Variants in ZNF394 observed in about 807,000 individuals in gnomAD.
ZNF394 encodes zinc finger protein 394.
Under a neutral mutation model 21.8 loss-of-function variants are expected in ZNF394, and 19 were observed. That is an observed-to-expected ratio of 0.87 (90% CI 0.61 to 1.28). ZNF394 has a LOEUF of 1.28. Ranked by LOEUF, ZNF394 falls within the 50% of genes most tolerant of loss-of-function variation. The pLI, the probability that ZNF394 is intolerant of heterozygous loss-of-function variation, is 0.00. For missense variants in ZNF394, 683 were observed against 708.6 expected, an observed-to-expected ratio of 0.96 and a Z score of 0.41; for synonymous variants, 294 against 273.3, an observed-to-expected ratio of 1.08 and a Z score of -0.75.
At chr7:99,487,853 A>G (rs867853466) in intron 1 of ZNF394, among the ~76,000 whole-genome samples, 51 of 152,054 alleles carry the variant, frequency 3.4e-4, no homozygotes, top group Non-Finnish European at 5.6e-4. Context: ...TGGGCGGATC[A>G]CGAGGTCAGG....
downstream of ZNF394, among the ~76,000 whole-genome samples, chr7:99,490,973 CG>C (rs1800149973): frequency 6.6e-6 from 1 of 152,058 alleles, no homozygotes; most frequent in African/African-American, 2.4e-5. Context: ...AGACTAGACC[CG>C]GGGCTCTGCC....
At chr7:99,490,514 C>G (rs190008403), downstream of ZNF394, among the ~76,000 whole-genome samples, 628 of 151,904 alleles carry the variant, frequency 4.1e-3, 5 homozygotes, top group African/African-American at 0.015. Flanking sequence ...GCCTGTAGTC[C>G]CAGCTGCTTG....
chr7:99,487,568 G>C, intron 1 of ZNF394: 2 of 1,486,768 alleles, frequency 1.3e-6, no homozygotes, highest in Non-Finnish European at 1.8e-6. Context: ...TTGTTTCCAT[G>C]AAAAGCAATA....
At chr7:99,489,022 C>T (rs544204878), downstream of ZNF394, among the ~76,000 whole-genome samples, 5 of 151,476 alleles carry the variant, frequency 3.3e-5, no homozygotes, top group Admixed American at 2.0e-4. Context: ...CAGTGGCTCA[C>T]GCCTGTAATC....
At chr7:99,495,029 CTATT>C (rs1414342794) in intron 2 of ZNF394, among the ~76,000 whole-genome samples, 7 of 151,758 alleles carry the variant, frequency 4.6e-5, no homozygotes, top group Admixed American at 2.0e-4. Context: ...TACTCTGTTG[CTATT>C]TATTTATTTT....
downstream of ZNF394, among the ~76,000 whole-genome samples, chr7:99,492,389 C>T (rs906233652): frequency 3.3e-5 from 5 of 151,902 alleles, no homozygotes; most frequent in African/African-American, 1.2e-4. Context: ...TGTGTAATCC[C>T]AGCACTTTGG....
chr7:99,488,057 G>T (rs1204309857), intron 1 of ZNF394, among the ~76,000 whole-genome samples: 1 of 136,324 alleles, frequency 7.3e-6, no homozygotes, highest in African/African-American at 3.0e-5. Flanking sequence ...GGGCGACAGA[G>T]CGAGACTCCG....
downstream of ZNF394, among the ~76,000 whole-genome samples, chr7:99,490,122 C>G (rs1278546105): frequency 6.6e-6 from 1 of 151,074 alleles, no homozygotes; most frequent in Non-Finnish European, 1.5e-5. Flanking sequence ...TGAGACCAGC[C>G]TGGCCAACAT....
At position 99,499,997 on chromosome 7, in the gene ZNF394, G is replaced by A. The variant is rs755608809; in HGVS notation, c.97C>T (p.Arg33Cys). 1.2e-6 allele frequency: 2 copies of A among 1,611,624 alleles called. No individual in the cohort carries two copies. The highest frequency in any genetic ancestry group is 2.2e-5 in the East Asian group (1 of 44,882). Residue 33 changes from arginine to cysteine, a missense_variant, in exon 1 of 3, where the codon CGC (arginine) becomes TGC (cysteine). Physicochemically the swap from Arg to Cys is radical, Grantham distance 180. Coordinates refer to ENST00000337673, the MANE Select transcript of ZNF394 (RefSeq NM_032164.4). ...ARSKDAAPSQ[R>C]DGLLPVKVEE... The stretch of plus-strand genomic sequence containing the variant: ...ACTTTCACGGGCAAAAGTCCGTCGC[G>A]TTGGGACGGCGCCGCGTCCTTGGAC...
At chr7:99,488,693 G>A (rs911916636), downstream of ZNF394, among the ~76,000 whole-genome samples, 1 of 151,746 alleles carries the variant, frequency 6.6e-6, no homozygotes, top group African/African-American at 2.4e-5. Flanking sequence ...ACTTTGGGAG[G>A]CCAAGGCGGG....
downstream of ZNF394, among the ~76,000 whole-genome samples, chr7:99,493,079 C>A (rs1800196668): frequency 6.6e-6 from 1 of 152,188 alleles, no homozygotes. Context: ...CCTACTTCCT[C>A]ATTCCTCACT....
At chr7:99,486,930 G>A in exon 2 of ZNF394, 1 of 1,614,154 alleles carries the variant, frequency 6.2e-7, no homozygotes, top group Non-Finnish European at 8.5e-7. Flanking sequence ...CCTTCAGACA[G>A]CGGTCAGCTC....
At chr7:99,487,561 T>C in intron 1 of ZNF394, 1 of 1,503,560 alleles carries the variant, frequency 6.7e-7, no homozygotes, top group South Asian at 1.3e-5. Context: ...CACGTAATTG[T>C]TTCCATGAAA....
At chr7:99,489,311 G>T (rs978605087), downstream of ZNF394, among the ~76,000 whole-genome samples, 1 of 151,192 alleles carries the variant, frequency 6.6e-6, no homozygotes, top group Non-Finnish European at 1.5e-5. Flanking sequence ...AAAAAGAGTT[G>T]TAAGTCAATA....
chr7:99,492,692 G>T (rs375947843), downstream of ZNF394, among the ~76,000 whole-genome samples: 1 of 149,010 alleles, frequency 6.7e-6, no homozygotes, highest in Non-Finnish European at 1.5e-5. Context: ...GTGGTGGCTT[G>T]TGTCTGTAAT....
downstream of ZNF394, among the ~76,000 whole-genome samples, chr7:99,489,442 G>A (rs1562891135): frequency 6.6e-6 from 1 of 152,118 alleles, no homozygotes. Context: ...GGGAGCAGCT[G>A]TCAACCAATC....
intron 1 of ZNF394, among the ~76,000 whole-genome samples, chr7:99,487,979 G>A (rs1445611910): frequency 6.6e-6 from 1 of 151,170 alleles, no homozygotes; most frequent in Non-Finnish European, 1.5e-5. Context: ...GGCTGAGGCA[G>A]GAGAATGGCG....
At chr7:99,495,791 T>C (rs1800288157) in intron 2 of ZNF394, among the ~76,000 whole-genome samples, 1 of 151,714 alleles carries the variant, frequency 6.6e-6, no homozygotes, top group African/African-American at 2.4e-5. Context: ...CCGGCTAATT[T>C]TTGTATTTTT....
At chr7:99,492,363 C>T (rs559806710), downstream of ZNF394, among the ~76,000 whole-genome samples, 6 of 151,492 alleles carry the variant, frequency 4.0e-5, no homozygotes, top group East Asian at 7.8e-4. Flanking sequence ...ATAAAAAGGC[C>T]GGGCATGGTG....
Sources: allele counts gnomAD v4.1 joint callset (sites outside exome capture counted in the v4.1 genomes callset), GRCh38; gene constraint gnomAD v4.1.1; transcripts MANE v1.5; gene names NCBI Gene and HGNC (gene_info 2026-07-23, HGNC 2026-07-21).